The following TEC variants were observed in gnomAD, a reference collection of about 807,000 sequenced individuals.
The protein encoded by TEC is tyrosine-protein kinase Tec.
In TEC, 72 loss-of-function variants were observed where a neutral mutation model predicts 93.0. The observed-to-expected ratio is 0.77, with a 90% CI of 0.64 to 0.94. The LOEUF (loss-of-function observed/expected upper bound fraction) is 0.94, where lower values mean the gene tolerates loss of function less well. TEC is among the 40% of genes least tolerant of loss of function. The pLI is 0.00. For synonymous variants in TEC, 249 were observed against 247.7 expected, an observed-to-expected ratio of 1.01 and a Z score of -0.05; for missense variants, 630 against 757.9, an observed-to-expected ratio of 0.83 and a Z score of 1.98.
intron 2 of TEC, among the ~76,000 whole-genome samples, chr4:48,209,854 A>C (rs1722838494): frequency 6.6e-6 from 1 of 152,186 alleles, no homozygotes; most frequent in Admixed American, 6.5e-5. Flanking sequence ...AGAGAACATA[A>C]ACCAATTGTA....
chr4:48,163,030 T>A (rs369774836), intron 8 of TEC, among the ~76,000 whole-genome samples: 89 of 152,234 alleles, frequency 5.8e-4, no homozygotes, highest in African/African-American at 2.1e-3. Flanking sequence ...ATTTTTTTTT[T>A]AATATAGCAA....
intron 14 of TEC, among the ~76,000 whole-genome samples, chr4:48,142,561 A>G (rs1271648568): frequency 6.6e-6 from 1 of 152,238 alleles, no homozygotes. Flanking sequence ...GGTCAAATAC[A>G]ATTGTGGATT....
intron 2 of TEC, among the ~76,000 whole-genome samples, chr4:48,189,784 A>G (rs1722027610): frequency 6.6e-6 from 1 of 152,244 alleles, no homozygotes; most frequent in Non-Finnish European, 1.5e-5. Flanking sequence ...AAGATTTATA[A>G]TAGCACTGTG....
At chr4:48,179,368 ATATATATATTTTTTTTT>A (rs1359620982) in intron 2 of TEC, among the ~76,000 whole-genome samples, 3 of 37,678 alleles carry the variant, frequency 8.0e-5, no homozygotes, top group Non-Finnish European at 1.5e-4. Flanking sequence ...ATATATATAT[ATATATATATTTTTTTTT>A]TTTTTTTTTT....
chr4:48,199,658 G>A lies in TEC; in HGVS notation c.139-23472C>T, dbSNP rs1722432528. Among the ~76,000 whole-genome samples the A allele has an allele frequency of 2.0e-5, 3 of 151,886 alleles. 1 individual carries two copies. Among genetic ancestry groups the A allele is most frequent in the South Asian group, 4.2e-4 (2 of 4,792 alleles). On this transcript the variant is annotated intron_variant, in intron 2 of 17. Transcript: ENST00000381501. ...ATTTTTGTATTTTATTAGTAGAAATGAGGTTTCACCACACTGGCCAGGGTG... is the reference window on the plus strand; with the variant it reads ...ATTTTTGTATTTTATTAGTAGAAATAAGGTTTCACCACACTGGCCAGGGTG...
intron 2 of TEC, among the ~76,000 whole-genome samples, chr4:48,211,605 T>C (rs1482682146): frequency 1.3e-5 from 2 of 152,218 alleles, no homozygotes; most frequent in Non-Finnish European, 2.9e-5. Flanking sequence ...GCAGTAAATG[T>C]CCAGGAGTCT....
chr4:48,181,267 A>G (rs890877885), intron 2 of TEC, among the ~76,000 whole-genome samples: 2 of 152,232 alleles, frequency 1.3e-5, no homozygotes, highest in African/African-American at 4.8e-5. Flanking sequence ...GCTTAGCGCC[A>G]TCTTTATAAA....
intron 1 of TEC, among the ~76,000 whole-genome samples, chr4:48,254,204 G>A (rs180796515): frequency 2.6e-5 from 4 of 152,350 alleles, no homozygotes; most frequent in Non-Finnish European, 5.9e-5. Context: ...AGAGCTGGGA[G>A]AGATGACCAT....
intron 1 of TEC, among the ~76,000 whole-genome samples, chr4:48,230,102 T>TAATAATAATAATAATAAA (rs1553894220): frequency 1.7e-5 from 2 of 115,824 alleles, no homozygotes; most frequent in African/African-American, 6.3e-5. Flanking sequence ...ATAATAATAA[T>TAATAATAATAATAATAAA]AAATAAATAA....
rs747537667 is a variant in TEC, at chr4:48,230,037, T to C, written c.-45-1378A>G. Among the ~76,000 whole-genome samples the C allele has an allele frequency of 1.5e-4, 23 of 152,006 alleles. No homozygotes were observed. The South Asian group carries it at 2.5e-3, about 17-fold the overall frequency. On this transcript the variant is annotated intron_variant, in intron 1 of 17. Transcript: ENST00000381501. ...TTTCAGTGAGCCGAGATCGCACCAT[T>C]GCACTCCAGCCTGGGCAACGAGAGC...
In TEC at chr4:48,167,873, T is replaced by A. The variant is rs774419197; in HGVS notation, c.576A>T (p.Ala192=). ...EIVVAMYDFQ[A]AEGHDLRLER... is the part of the protein sequence containing the mutation. Reference sequence around the variant, plus strand: ...CTAATCTGAGATCATGTCCTTCTGCTGCTTGGAAATCATACATGGCTACAA... The same window carrying A: ...CTAATCTGAGATCATGTCCTTCTGCAGCTTGGAAATCATACATGGCTACAA... Residue 192 remains alanine (A), a synonymous_variant, in exon 7 of 18, where the codon GCA becomes GCT. Coordinates refer to ENST00000381501, the MANE Select transcript of TEC (RefSeq NM_003215.3). 1 of 1,613,842 alleles carries A rather than the reference T, an allele frequency of 6.2e-7. No homozygotes were observed. The highest frequency in any genetic ancestry group is 1.1e-5 in the South Asian group (1 of 91,078).
chr4:48,167,819 T>G lies in TEC; in HGVS notation c.630A>C (p.Glu210Asp). The change falls in exon 7 of 18, where the codon GAA becomes GAC. Residue 210 changes from glutamate to aspartate, a missense_variant. Transcript: ENST00000381501. ...CTCTCCACCAATGAACATCATTCTTTTCTAAAATGAGATACTCTTGGCCTC... is the reference window on the plus strand; with the variant it reads ...CTCTCCACCAATGAACATCATTCTTGTCTAAAATGAGATACTCTTGGCCTC... ...LERGQEYLIL[E>D]KNDVHWWRAR... 1 of 1,613,858 alleles carries G rather than the reference T, an allele frequency of 6.2e-7. No homozygotes were observed.
chr4:48,179,360 A>C (rs1471547385), intron 2 of TEC, among the ~76,000 whole-genome samples: 1 of 40,482 alleles, frequency 2.5e-5, no homozygotes, highest in African/African-American at 9.4e-5. Context: ...ATATATATAT[A>C]TATATATATA....
In TEC at chr4:48,136,218, A is replaced by G. The variant is rs3805184; in HGVS notation, c.*1198T>C. 109,489 of 152,058 alleles carry G rather than the reference A, an allele frequency of 0.72. 40,210 individuals carry two copies. Among genetic ancestry groups the G allele is most frequent in the East Asian group, 0.92 (4,770 of 5,172 alleles). The allele number at this position is 152,058 out of a possible 1,614,324, so 9.4% of individuals were successfully genotyped here. A position where few individuals can be genotyped will look rare whatever the true frequency, so the allele number is the denominator to read the frequency against. ...TGTCTTAGTAGAGCTTCTAAGGGTG[A>G]GAAATCCACACACACAGTCTTGACA... On this transcript the variant is annotated 3_prime_UTR_variant, in exon 18 of 18. Coordinates refer to ENST00000381501, the MANE Select transcript of TEC (RefSeq NM_003215.3).
At chr4:48,205,436 A>T (rs752524127) in intron 2 of TEC, among the ~76,000 whole-genome samples, 48 of 152,218 alleles carry the variant, frequency 3.2e-4, no homozygotes, top group Non-Finnish European at 5.7e-4. Context: ...AAATTGGCAA[A>T]TGCTGAAAAT....
chr4:48,200,066 A>G (rs184636457), intron 2 of TEC, among the ~76,000 whole-genome samples: 232 of 152,370 alleles, frequency 1.5e-3, no homozygotes, highest in Non-Finnish European at 2.3e-3. Flanking sequence ...AAAGTGCAGA[A>G]TGACATTATA....
intron 2 of TEC, among the ~76,000 whole-genome samples, chr4:48,190,141 T>A (rs1722041460): frequency 6.6e-6 from 1 of 152,228 alleles, no homozygotes; most frequent in Non-Finnish European, 1.5e-5. Context: ...CTAGTGAGTA[T>A]GTATGCTGAC....
At chr4:48,248,104 T>A (rs1384322183) in intron 1 of TEC, among the ~76,000 whole-genome samples, 1 of 152,160 alleles carries the variant, frequency 6.6e-6, no homozygotes, top group Non-Finnish European at 1.5e-5. Flanking sequence ...ACTGATACAC[T>A]CTCTCTGGAT....
At chr4:48,186,764 G>A (rs1013188246) in intron 2 of TEC, among the ~76,000 whole-genome samples, 1 of 151,416 alleles carries the variant, frequency 6.6e-6, no homozygotes. Context: ...CGGGAGGGAG[G>A]TGGGGGGTCA....
Sources: gnomAD v4.1 joint callset for allele counts (sites outside exome capture counted in the v4.1 genomes callset) on GRCh38, gnomAD v4.1.1 for gene constraint, MANE v1.5 for transcripts, NCBI Gene and HGNC (gene_info 2026-07-23, HGNC 2026-07-21) for gene names.